The following HERC6 variants were observed in gnomAD, a reference collection of about 807,000 sequenced individuals.
HERC6 encodes HECT and RLD domain containing E3 ubiquitin protein ligase family member 6, also known as probable E3 ubiquitin-protein ligase HERC6.
In HERC6, 101 loss-of-function variants were observed where a neutral mutation model predicts 114.5. That is an observed-to-expected ratio of 0.88 (90% CI 0.75 to 1.04). HERC6 has a LOEUF of 1.04. Among genes scored for constraint, HERC6 ranks in the 50% least tolerant of loss-of-function variants. The pLI, the probability that HERC6 is intolerant of heterozygous loss-of-function variation, is 0.00. For missense variants in HERC6, 1,133 were observed against 1,230.9 expected, an observed-to-expected ratio of 0.92 and a Z score of 1.19; for synonymous variants, 408 against 436.2, an observed-to-expected ratio of 0.94 and a Z score of 0.81.
intron 3 of HERC6, among the ~76,000 whole-genome samples, chr4:88,390,145 T>C (rs1370193238): frequency 3.3e-5 from 4 of 120,560 alleles, no homozygotes; most frequent in Non-Finnish European, 4.7e-5. Context: ...CACCCTGCAC[T>C]CCAGTCTGGA....
chr4:88,408,695 A>C lies in HERC6; in HGVS notation c.1368+78A>C, dbSNP rs1328344162. ...TTTGTTGGAAGCTGGGTGAGATGGG[A>C]ACTATGATTGTAATTGCCCGATGAG... On this transcript the variant is annotated intron_variant, in intron 11 of 22. Coordinates refer to ENST00000264346, the MANE Select transcript of HERC6 (RefSeq NM_017912.4). The C allele has an allele frequency of 4.1e-6, 4 of 975,462 alleles. No homozygotes were observed. The African/African-American group carries it at 4.9e-5, about 12-fold the overall frequency. The allele number at this position is 975,462 out of a possible 1,614,324, so 60.4% of individuals were successfully genotyped here. A position where few individuals can be genotyped will look rare whatever the true frequency, so the allele number is the denominator to read the frequency against.
intron 8 of HERC6, among the ~76,000 whole-genome samples, chr4:88,404,015 C>T (rs1371367849): frequency 6.6e-6 from 1 of 152,028 alleles, no homozygotes. Flanking sequence ...TCCCCATTCC[C>T]TCTCTCCGCC....
intron 13 of HERC6, among the ~76,000 whole-genome samples, chr4:88,421,646 A>T (rs1737079612): frequency 6.6e-6 from 1 of 151,974 alleles, no homozygotes; most frequent in African/African-American, 2.4e-5. Flanking sequence ...GGGTTTTACC[A>T]TGTTGGCCAG....
rs564791813 is a variant in HERC6 at position 88,384,328 on chromosome 4, C to T, written c.359+948C>T. Among the ~76,000 whole-genome samples the T allele has an allele frequency of 2.6e-5, 4 of 152,302 alleles. No homozygotes were observed. In the East Asian group the frequency reaches 7.7e-4, roughly 29 times the overall value. On this transcript the variant is annotated intron_variant, in intron 2 of 22. Transcript: ENST00000264346. ...TGTTAATCTATTGTCAGTTAATTTG[C>T]AAGCCCCCAAATATTGGACCAAAGG...
intron 8 of HERC6, among the ~76,000 whole-genome samples, chr4:88,400,683 GTGAATACAGTATAATAAACTATTC>G (rs1735486909): frequency 6.6e-6 from 1 of 152,104 alleles, no homozygotes; most frequent in African/African-American, 2.4e-5. Flanking sequence ...AAGAAGTAGG[GTGAATACAGTATAATAAACTATTC>G]TGAGAGAAAG....
At chr4:88,392,627 G>T (rs56030186) in intron 4 of HERC6, among the ~76,000 whole-genome samples, 2 of 152,274 alleles carry the variant, frequency 1.3e-5, no homozygotes, top group South Asian at 2.1e-4. Flanking sequence ...TGGCCTGGGG[G>T]CATGAAGGGA....
intron 13 of HERC6, among the ~76,000 whole-genome samples, chr4:88,421,741 C>T (rs1287540924): frequency 2.6e-5 from 4 of 152,094 alleles, no homozygotes; most frequent in South Asian, 2.1e-4. Context: ...CCACCGCACC[C>T]GACCACTTTT....
rs1739435568 is a variant in HERC6 at position 88,442,419 on chromosome 4, A to G, written c.3028A>G (p.Asn1010Asp). The G allele has an allele frequency of 6.2e-7, 1 of 1,613,942 alleles. No homozygotes were observed. The highest frequency in any genetic ancestry group is 1.7e-5 in the Admixed American group (1 of 59,980). ...GGAAGCACTTCAAGTAGCCATCAAC[A>G]ACAACAGAGGATTTGTCTCACCCAT... ...MEEALQVAIN[N>D]NRGFVSPMLT... Residue 1010 changes from asparagine to aspartate, a missense_variant, in exon 23 of 23, where the codon AAC (asparagine) becomes GAC (aspartate). By Grantham distance (23) the Asn-to-Asp change is conservative. Transcript: ENST00000264346.
At chr4:88,386,425 C>T (rs1394581842) in intron 3 of HERC6, among the ~76,000 whole-genome samples, 4 of 151,912 alleles carry the variant, frequency 2.6e-5, no homozygotes, top group African/African-American at 7.3e-5. Flanking sequence ...AGGCTGGTCT[C>T]GAACTCCTGA....
chr4:88,437,692 G>A lies in HERC6; in HGVS notation c.2485-19G>A, dbSNP rs1273572376. ...AAACTTACTTTGATATTTGGTACCT[G>A]AATACATTTTGGTTACAGATACACT... On this transcript the variant is annotated intron_variant, in intron 19 of 22. Coordinates refer to ENST00000264346, the MANE Select transcript of HERC6 (RefSeq NM_017912.4). 1 of 1,522,074 alleles carries A rather than the reference G, an allele frequency of 6.6e-7. No homozygotes were observed. 94.3% of individuals were successfully genotyped at this position (1,522,074 alleles called of 1,614,324 possible).
intron 1 of HERC6, 98 bp from the exon 2 acceptor site, chr4:88,383,123 G>T: frequency 1.4e-6 from 2 of 1,459,942 alleles, no homozygotes; most frequent in Non-Finnish European, 9.2e-7. Flanking sequence ...AAGAAATCTG[G>T]ATGATCCTTC....
intron 13 of HERC6, among the ~76,000 whole-genome samples, chr4:88,419,399 T>C (rs1383352334): frequency 6.6e-6 from 1 of 152,228 alleles, no homozygotes; most frequent in Non-Finnish European, 1.5e-5. Context: ...GACTGGACTC[T>C]TGACTAGATC....
chr4:88,401,182 G>T (rs959197515), intron 8 of HERC6, among the ~76,000 whole-genome samples: 2 of 152,090 alleles, frequency 1.3e-5, no homozygotes, highest in African/African-American at 4.8e-5. Context: ...CTGCGAGAGG[G>T]TTTCTCATGC....
chr4:88,436,456 G>C (rs979635202), intron 18 of HERC6, among the ~76,000 whole-genome samples: 5 of 152,162 alleles, frequency 3.3e-5, no homozygotes, highest in Non-Finnish European at 7.3e-5. Flanking sequence ...CTCAGCCTTG[G>C]CAATACTGAC....
intron 13 of HERC6, among the ~76,000 whole-genome samples, 161 bp downstream of exon 13, chr4:88,417,740 G>A (rs1736629780): frequency 6.6e-6 from 1 of 152,070 alleles, no homozygotes; most frequent in Non-Finnish European, 1.5e-5. Context: ...AAATAATTAG[G>A]GATTTAAAAG....
At chr4:88,418,581 T>C (rs1355996237) in intron 13 of HERC6, among the ~76,000 whole-genome samples, 1 of 152,174 alleles carries the variant, frequency 6.6e-6, no homozygotes, top group Non-Finnish European at 1.5e-5. Flanking sequence ...CTCTCCAGGA[T>C]GTTTGGGTTC....
At chr4:88,441,783 G>A (rs1265338484) in intron 22 of HERC6, among the ~76,000 whole-genome samples, 1 of 152,152 alleles carries the variant, frequency 6.6e-6, no homozygotes, top group East Asian at 1.9e-4. Flanking sequence ...TCAGCCCAGT[G>A]GTTCAGCTGT....
chr4:88,379,017 G>A lies in HERC6; in HGVS notation c.96G>A (p.Glu32=). 6 of 1,570,604 alleles carry A rather than the reference G, an allele frequency of 3.8e-6. No individual in the cohort carries two copies. The highest frequency in any genetic ancestry group is 5.2e-6 in the Non-Finnish European group (6 of 1,159,654). The part of the protein sequence containing the change: ...GAELLQAASG[E]RHSLLLLTNH... The stretch of plus-strand genomic sequence containing the variant: ...AGCTACTGCAGGCGGCCAGCGGGGA[G>A]CGCCACTCTCTGCTGCTGCTGACCA... Residue 32 remains glutamate (E), a synonymous_variant, in exon 1 of 23, where the codon GAG becomes GAA. Coordinates refer to ENST00000264346, the MANE Select transcript of HERC6 (RefSeq NM_017912.4).
At chr4:88,380,552 A>T (rs1734263489) in intron 1 of HERC6, among the ~76,000 whole-genome samples, 1 of 145,612 alleles carries the variant, frequency 6.9e-6, no homozygotes, top group Non-Finnish European at 1.5e-5. Flanking sequence ...CCCCATCTCT[A>T]CTAAAATACA....
Sources: allele counts gnomAD v4.1 joint callset (sites outside exome capture counted in the v4.1 genomes callset), GRCh38; gene constraint gnomAD v4.1.1; transcripts MANE v1.5; gene names NCBI Gene and HGNC (gene_info 2026-07-23, HGNC 2026-07-21).